Variants in CCL26 observed in about 807,000 individuals in gnomAD.
CCL26 encodes the protein C-C motif chemokine 26.
In CCL26, 10 loss-of-function variants were observed where a neutral mutation model predicts 10.7. The ratio of observed to expected loss-of-function variants is 0.93; its 90% CI spans 0.57 to 1.58. The LOEUF (loss-of-function observed/expected upper bound fraction) is 1.58, where lower values mean the gene tolerates loss of function less well. Ranked by LOEUF, CCL26 falls within the 40% of genes most tolerant of loss-of-function variation. The pLI is 0.00. For synonymous variants in CCL26, 43 were observed against 41.4 expected (o/e 1.04, Z -0.15); for missense variants, 116 against 111.0 (o/e 1.05, Z -0.20).
intron 1 of CCL26, among the ~76,000 whole-genome samples, chr7:75,782,778 A>G (rs1489831729): frequency 6.6e-6 from 1 of 152,008 alleles, no homozygotes; most frequent in Non-Finnish European, 1.5e-5. Context: ...ATTCTTTTAC[A>G]CATTAGTCCC....
At chr7:75,770,768 C>T (rs1052710824) in intron 2 of CCL26, among the ~76,000 whole-genome samples, 7 of 152,038 alleles carry the variant, frequency 4.6e-5, no homozygotes, top group African/African-American at 1.7e-4. Flanking sequence ...CTCCGCCTCC[C>T]GGGTTCAAGC....
At chr7:75,777,032 A>C (rs1802957564), upstream of CCL26, among the ~76,000 whole-genome samples, 1 of 152,056 alleles carries the variant, frequency 6.6e-6, no homozygotes, top group African/African-American at 2.4e-5. Context: ...GGAGTTTGAG[A>C]CCAGCCTGGC....
chr7:75,781,724 C>T (rs1317139085), intron 1 of CCL26, among the ~76,000 whole-genome samples: 1 of 152,100 alleles, frequency 6.6e-6, no homozygotes, highest in African/African-American at 2.4e-5. Context: ...CCCCACTGAG[C>T]ATCTTGTGAC....
chr7:75,777,380 C>T (rs1802963670), intron 1 of CCL26, among the ~76,000 whole-genome samples: 1 of 152,028 alleles, frequency 6.6e-6, no homozygotes. Flanking sequence ...CATTTAATAA[C>T]ATAATACAAT....
intron 2 of CCL26, 133 bp downstream of exon 2, chr7:75,771,756 G>C (rs1432564242): frequency 1.5e-6 from 1 of 658,986 alleles, no homozygotes; most frequent in African/African-American, 1.8e-5. Context: ...CTGAAGCTCA[G>C]AGTCACACTT....
At chr7:75,772,654 C>CAAAA (rs5884975), upstream of CCL26, among the ~76,000 whole-genome samples, 2 of 121,012 alleles carry the variant, frequency 1.7e-5, no homozygotes, top group Non-Finnish European at 1.7e-5. Flanking sequence ...GAGACTCTGC[C>CAAAA]AAAAAAAAAA....
chr7:75,769,951 C>T (rs534992360), intron 2 of CCL26, among the ~76,000 whole-genome samples, 162 bp from the exon 3 acceptor site: 1 of 152,260 alleles, frequency 6.6e-6, no homozygotes, highest in African/African-American at 2.4e-5. Context: ...TGTCTCCCTC[C>T]TCTTTCCTAT....
At position 75,771,965 on chromosome 7, in the gene CCL26, T is replaced by C; in HGVS notation, c.112A>G (p.Ser38Gly). Residue 38 changes from serine to glycine, a missense_variant, in exon 2 of 3, where the codon AGC becomes GGC. Physicochemically the swap from Ser to Gly is moderately conservative, Grantham distance 56 (BLOSUM62 0). Coordinates refer to ENST00000005180, the MANE Select transcript of CCL26 (RefSeq NM_001371938.1). ...DISKTCCFQY[S>G]HKPLPWTWVR... ...CAGGTCCAGGGAAGGGGCTTGTGGC[T>C]GTATTGGAAGCAGCAGGTCTTGGAT... 6.2e-7 allele frequency: 1 copy of C among 1,614,110 alleles called. No homozygotes were observed. Among genetic ancestry groups the C allele is most frequent in the Non-Finnish European group, 8.5e-7 (1 of 1,179,980 alleles).
chr7:75,780,729 G>A (rs545858383), intron 1 of CCL26, among the ~76,000 whole-genome samples: 10 of 151,996 alleles, frequency 6.6e-5, no homozygotes, highest in South Asian at 4.2e-4. Flanking sequence ...AACCCCAAGC[G>A]TCTCTGAGTC....
intron 1 of CCL26, among the ~76,000 whole-genome samples, chr7:75,786,321 A>G (rs7784019): frequency 0.031 from 4,726 of 152,254 alleles, 96 homozygotes; most frequent in Middle Eastern, 0.082. Flanking sequence ...CCACTCACCA[A>G]AAAAGGCAGG....
At position 75,782,573 on chromosome 7, in the gene CCL26, T is replaced by C. The variant is rs1272017304; in HGVS notation, c.-79+7144A>G. ...CCCTTAGCCTGTGTTCTCAAGAATT[T>C]AAAACCTCTTCAACTCTCACCTGAC... On this transcript the variant is annotated intron_variant, in intron 1 of 3. Transcript: ENST00000394905. Among the ~76,000 whole-genome samples, 5 of 152,162 alleles carry C rather than the reference T, an allele frequency of 3.3e-5. No homozygotes were observed. The East Asian group carries it at 7.7e-4, about 23-fold the overall frequency.
chr7:75,790,053 CTCTT>C (rs1465000970), upstream of CCL26, among the ~76,000 whole-genome samples: 2 of 114,048 alleles, frequency 1.8e-5, no homozygotes, highest in Non-Finnish European at 3.4e-5. Flanking sequence ...CTCCCTACCT[CTCTT>C]TCTTTCTTTC....
upstream of CCL26, among the ~76,000 whole-genome samples, chr7:75,790,178 C>CCTTCCTTCCTTCCTTTCTTTCTTT (rs60788546): frequency 7.7e-4 from 34 of 44,336 alleles, 2 homozygotes; most frequent in East Asian, 4.9e-3. Context: ...TTCCTTCCTT[C>CCTTCCTTCCTTCCTTTCTTTCTTT]CTTTCTTTCT....
chr7:75,777,721 G>GA lies in CCL26; in HGVS notation c.-78-5468dup, dbSNP rs60039632. ...CCCAACAGAGTGAGATCCTGTCTCA[G>GA]AAAAAAAAAAAAAAAAAAAAAGCAG... On this transcript the variant is annotated intron_variant, in intron 1 of 3. Transcript: ENST00000394905. Among the ~76,000 whole-genome samples the GA allele has an allele frequency of 2.2e-3, 136 of 60,526 alleles. 5 individuals are homozygous for GA. Among genetic ancestry groups the GA allele is most frequent in the East Asian group, 0.017 (30 of 1,786 alleles). 39.7% of individuals were successfully genotyped at this position (60,526 alleles called of 152,430 possible).
chr7:75,775,444 G>A (rs1554528605), upstream of CCL26, among the ~76,000 whole-genome samples: 1 of 152,078 alleles, frequency 6.6e-6, no homozygotes, highest in Non-Finnish European at 1.5e-5. Context: ...GTGATTCCAC[G>A]GGAGCCCCAG....
chr7:75,771,636 A>G lies in CCL26; in HGVS notation c.188+253T>C, dbSNP rs1001811147. ...GAGGCTGAGGCAGGAAAATTGCTTG[A>G]ACCCGGGAGGGGGAGGTTGCAGTGA... On this transcript the variant is annotated intron_variant, in intron 2 of 2. Coordinates refer to ENST00000005180, the MANE Select transcript of CCL26 (RefSeq NM_001371938.1). 2.0e-5 allele frequency among the ~76,000 whole-genome samples: 3 copies of G among 152,190 alleles called. No individual in the cohort carries two copies. The East Asian group carries it at 5.8e-4, about 29-fold the overall frequency.
intron 1 of CCL26, among the ~76,000 whole-genome samples, chr7:75,782,467 C>A (rs1328196830): frequency 6.6e-6 from 1 of 152,106 alleles, no homozygotes; most frequent in Non-Finnish European, 1.5e-5. Flanking sequence ...CCCCACCCCC[C>A]TTCTCCATGT....
chr7:75,781,119 A>G (rs1803050733), intron 1 of CCL26, among the ~76,000 whole-genome samples: 1 of 152,228 alleles, frequency 6.6e-6, no homozygotes, highest in African/African-American at 2.4e-5. Context: ...TAGGCCCTGA[A>G]AGGTCAGAAG....
chr7:75,782,938 C>G (rs890514056), intron 1 of CCL26, among the ~76,000 whole-genome samples: 2 of 152,070 alleles, frequency 1.3e-5, no homozygotes, highest in Non-Finnish European at 2.9e-5. Context: ...CCAGGCTGCT[C>G]CTCACCAGGC....
Sources: gnomAD v4.1 joint callset for allele counts (sites outside exome capture counted in the v4.1 genomes callset) on GRCh38, gnomAD v4.1.1 for gene constraint, MANE v1.5 for transcripts, NCBI Gene and HGNC (gene_info 2026-07-23, HGNC 2026-07-21) for gene names.